The following PRKN variants were observed in gnomAD, a reference collection of about 807,000 sequenced individuals.
The protein encoded by PRKN is E3 ubiquitin-protein ligase parkin.
A neutral mutation model predicts 59.5 loss-of-function variants in PRKN; 56 were observed. That is an observed-to-expected ratio of 0.94 (90% CI 0.76 to 1.18). The LOEUF is 1.18. Ranked by LOEUF, PRKN falls within the 50% of genes most tolerant of loss-of-function variation. The pLI, the probability that PRKN is intolerant of heterozygous loss-of-function variation, is 0.00. For synonymous variants in PRKN, 250 were observed against 222.1 expected, an observed-to-expected ratio of 1.13 and a Z score of -1.12; for missense variants, 657 against 596.4, an observed-to-expected ratio of 1.10 and a Z score of -1.06.
intron 2 of PRKN, among the ~76,000 whole-genome samples, chr6:162,319,512 A>G (rs1231467300): frequency 6.6e-6 from 1 of 152,048 alleles, no homozygotes; most frequent in East Asian, 1.9e-4. Flanking sequence ...GTGGTTACTT[A>G]CACAACAACA....
At chr6:162,029,931 T>A (rs1249694547) in intron 5 of PRKN, among the ~76,000 whole-genome samples, 1 of 152,166 alleles carries the variant, frequency 6.6e-6, no homozygotes, top group East Asian at 1.9e-4. Context: ...CTCAGACTCC[T>A]GAGCTCAAGC....
intron 7 of PRKN, among the ~76,000 whole-genome samples, chr6:161,752,364 C>T (rs1422872113): frequency 7.9e-6 from 1 of 127,014 alleles, no homozygotes; most frequent in Non-Finnish European, 1.8e-5. Flanking sequence ...GAGACTCTGT[C>T]TCAAACAAAC....
intron 4 of PRKN, among the ~76,000 whole-genome samples, chr6:162,174,413 C>A (rs1216808549): frequency 6.6e-6 from 1 of 152,148 alleles, no homozygotes; most frequent in Non-Finnish European, 1.5e-5. Flanking sequence ...CCATAAATAT[C>A]TTCTTTTTGG....
chr6:162,424,169 T>C (rs1789110542), intron 2 of PRKN, among the ~76,000 whole-genome samples: 1 of 152,212 alleles, frequency 6.6e-6, no homozygotes. Context: ...GGCGACTTTA[T>C]GATTCTATCT....
At chr6:162,545,671 C>T (rs548058876) in intron 1 of PRKN, among the ~76,000 whole-genome samples, 8 of 152,024 alleles carry the variant, frequency 5.3e-5, no homozygotes, top group Admixed American at 1.3e-4. Flanking sequence ...TTTATTACTC[C>T]GAGGAAATTA....
chr6:161,545,113 T>C lies in PRKN; in HGVS notation c.1083+3741A>G. The C allele has an allele frequency of 8.0e-7, 1 of 1,246,318 alleles. No homozygotes were observed. Among genetic ancestry groups the C allele is most frequent in the Non-Finnish European group, 1.0e-6 (1 of 989,438 alleles). The allele number at this position is 1,246,318 out of a possible 1,614,324, so 77.2% of individuals were successfully genotyped here. A position where few individuals can be genotyped will look rare whatever the true frequency, so the allele number is the denominator to read the frequency against. ...TTTAAATCCCACAAATGACAGAGAATTTGGTTTTCAACTTTTTTATACGCG... is the reference window on the plus strand; with the variant it reads ...TTTAAATCCCACAAATGACAGAGAACTTGGTTTTCAACTTTTTTATACGCG... On this transcript the variant is annotated intron_variant, in intron 9 of 11. Transcript: ENST00000366898. The surrounding 1 kb of genome is among the most constrained non-coding windows in gnomAD (Gnocchi z 4.1).
intron 4 of PRKN, among the ~76,000 whole-genome samples, chr6:162,094,413 G>T (rs564488957): frequency 6.6e-5 from 10 of 152,138 alleles, no homozygotes; most frequent in Non-Finnish European, 1.3e-4. Context: ...GGGCCCAGGA[G>T]GTTGGGGCTG....
At chr6:162,685,887 G>T (rs1260137290) in intron 1 of PRKN, among the ~76,000 whole-genome samples, 1 of 152,096 alleles carries the variant, frequency 6.6e-6, no homozygotes, top group African/African-American at 2.4e-5. Flanking sequence ...GTCTGCGTGT[G>T]TCTCTCTTCG....
At chr6:161,564,933 C>T (rs1173640270) in intron 8 of PRKN, among the ~76,000 whole-genome samples, 1 of 152,244 alleles carries the variant, frequency 6.6e-6, no homozygotes, top group Non-Finnish European at 1.5e-5. Flanking sequence ...AGCTCCTCCA[C>T]AAGCTCGATG....
chr6:161,666,910 C>T (rs534740956), intron 7 of PRKN, among the ~76,000 whole-genome samples: 3 of 152,236 alleles, frequency 2.0e-5, no homozygotes, highest in South Asian at 4.1e-4. Flanking sequence ...CCACAGTAGG[C>T]GGTGGACCTT....
chr6:161,387,884 G>C (rs932976548), intron 9 of PRKN, among the ~76,000 whole-genome samples: 4 of 152,152 alleles, frequency 2.6e-5, no homozygotes, highest in African/African-American at 9.7e-5. Context: ...AGGAGATTAG[G>C]ACAGAGACAC....
intron 6 of PRKN, among the ~76,000 whole-genome samples, chr6:161,936,650 A>C (rs1232391138): frequency 6.6e-6 from 1 of 152,160 alleles, no homozygotes; most frequent in Non-Finnish European, 1.5e-5. Flanking sequence ...GCTCCACCAG[A>C]GACTCCTCCT....
At chr6:162,365,745 T>C (rs141562098) in intron 2 of PRKN, among the ~76,000 whole-genome samples, 3 of 152,314 alleles carry the variant, frequency 2.0e-5, no homozygotes, top group Admixed American at 2.0e-4. Context: ...TCAATATCTT[T>C]TATACCTTCT....
At chr6:161,493,578 C>A (rs1475001439) in intron 9 of PRKN, among the ~76,000 whole-genome samples, 1 of 152,140 alleles carries the variant, frequency 6.6e-6, no homozygotes, top group Non-Finnish European at 1.5e-5. Context: ...GGTTGCAGCA[C>A]AGAGTCGCCT....
intron 4 of PRKN, among the ~76,000 whole-genome samples, chr6:162,133,249 G>C (rs1489051357): frequency 6.6e-6 from 1 of 152,208 alleles, no homozygotes; most frequent in African/African-American, 2.4e-5. Context: ...GTTTGAACAA[G>C]AGAATAGAAG....
chr6:161,623,709 T>C (rs1782990017), intron 7 of PRKN, among the ~76,000 whole-genome samples: 1 of 152,240 alleles, frequency 6.6e-6, no homozygotes, highest in African/African-American at 2.4e-5. Flanking sequence ...CACCCATTAT[T>C]TTCCTAATGA....
intron 7 of PRKN, among the ~76,000 whole-genome samples, chr6:161,624,467 G>T (rs924072423): frequency 2.6e-5 from 4 of 152,190 alleles, no homozygotes; most frequent in Non-Finnish European, 5.9e-5. Context: ...CTGGGGAGAT[G>T]CTCTCTCAGC....
chr6:162,459,109 C>T (rs540926427), intron 1 of PRKN, among the ~76,000 whole-genome samples: 14 of 152,156 alleles, frequency 9.2e-5, no homozygotes, highest in Middle Eastern at 3.4e-3. Flanking sequence ...CATGAGCCAC[C>T]GTGCCTGGCC....
intron 4 of PRKN, among the ~76,000 whole-genome samples, chr6:162,118,341 G>C (rs564300834): frequency 2.6e-4 from 40 of 152,086 alleles, no homozygotes; most frequent in African/African-American, 8.9e-4. Context: ...GGGAGGTGGA[G>C]CTTGCAGTGA....
Sources: gnomAD v4.1 joint callset for allele counts (sites outside exome capture counted in the v4.1 genomes callset) on GRCh38, gnomAD v4.1.1 for gene constraint, Gnocchi (gnomAD v3.1) non-coding constraint, MANE v1.5 for transcripts, NCBI Gene and HGNC (gene_info 2026-07-23, HGNC 2026-07-21) for gene names.